The following AHCTF1 variants were observed in gnomAD, a reference collection of about 807,000 sequenced individuals.
The protein encoded by AHCTF1 is AT-hook containing transcription factor 1, also known as protein ELYS.
A neutral mutation model predicts 248.4 loss-of-function variants in AHCTF1; 24 were observed. That is an observed-to-expected ratio of 0.10 (90% CI 0.07 to 0.14). The LOEUF (loss-of-function observed/expected upper bound fraction) is 0.14. AHCTF1 is among the 10% of genes least tolerant of loss of function. The pLI is 1.00. For missense variants in AHCTF1, 2,206 were observed against 2,636.2 expected, an observed-to-expected ratio of 0.84 and a Z score of 3.57; for synonymous variants, 786 against 929.8, an observed-to-expected ratio of 0.85 and a Z score of 2.81.
intron 30 of AHCTF1, 68 bp downstream of exon 30, chr1:246,857,623 T>C: frequency 1.3e-6 from 2 of 1,491,876 alleles, no homozygotes. Flanking sequence ...ACAGAATATT[T>C]TACTTCTGGT....
intron 1 of AHCTF1, among the ~76,000 whole-genome samples, chr1:246,921,852 T>A (rs912939670): frequency 1.3e-5 from 2 of 152,154 alleles, no homozygotes; most frequent in Non-Finnish European, 2.9e-5. Flanking sequence ...CAAGAAGGCT[T>A]CAGGTAGAAT....
At position 246,890,940 on chromosome 1, in the gene AHCTF1, T is replaced by A; in HGVS notation, c.2050+16A>T. On this transcript the variant is annotated intron_variant, in intron 16 of 35. Coordinates refer to ENST00000648844, the MANE Select transcript of AHCTF1 (RefSeq NM_001323342.2). The stretch of plus-strand genomic sequence containing the variant: ...AATGTTTTAATTAATACTTATAGAT[T>A]AAGTAAATATTTTACCTATGCCTTC... 2 of 1,446,340 alleles carry A rather than the reference T, an allele frequency of 1.4e-6. No homozygotes were observed. The highest frequency in any genetic ancestry group is 1.8e-6 in the Non-Finnish European group (2 of 1,084,280). 89.6% of individuals were successfully genotyped at this position (1,446,340 alleles called of 1,614,324 possible).
chr1:246,915,714 A>G (rs1301181126), intron 3 of AHCTF1, among the ~76,000 whole-genome samples: 1 of 152,208 alleles, frequency 6.6e-6, no homozygotes, highest in Non-Finnish European at 1.5e-5. Context: ...ATTTTCCATA[A>G]TGCTCCAATC....
intron 11 of AHCTF1, 140 bp from the exon 12 acceptor site, chr1:246,898,476 A>G (rs1388520358): frequency 1.7e-5 from 16 of 965,780 alleles, no homozygotes; most frequent in Non-Finnish European, 2.3e-5. Context: ...TTCCTGCAAG[A>G]AACAGAGTTT....
At chr1:246,897,338 CAAAT>C (rs1382899386) in intron 12 of AHCTF1, among the ~76,000 whole-genome samples, 2 of 152,012 alleles carry the variant, frequency 1.3e-5, no homozygotes, top group African/African-American at 2.4e-5. Flanking sequence ...TAGTAACAAA[CAAAT>C]AAACGAAAAA....
intron 1 of AHCTF1, chr1:246,931,222 T>A: frequency 6.5e-7 from 1 of 1,549,834 alleles, no homozygotes; most frequent in Non-Finnish European, 8.7e-7. Flanking sequence ...CGCCAACGAG[T>A]CCATCGCGTG....
chr1:246,910,644 C>T (rs1232516450), intron 4 of AHCTF1, among the ~76,000 whole-genome samples: 1 of 152,160 alleles, frequency 6.6e-6, no homozygotes, highest in Non-Finnish European at 1.5e-5. Context: ...AATTTAAAAA[C>T]TCAGACTCAT....
At chr1:246,927,046 C>T (rs564807194) in intron 1 of AHCTF1, among the ~76,000 whole-genome samples, 16 of 150,778 alleles carry the variant, frequency 1.1e-4, no homozygotes, top group African/African-American at 3.7e-4. Flanking sequence ...GGCGTGGTGA[C>T]GGGAACCTGT....
At chr1:246,930,318 G>A (rs1284757854) in intron 1 of AHCTF1, among the ~76,000 whole-genome samples, 1 of 151,624 alleles carries the variant, frequency 6.6e-6, no homozygotes, top group Non-Finnish European at 1.5e-5. Context: ...CGGTTGACAT[G>A]ATGTTTTAAA....
At position 246,898,227 on chromosome 1, in the gene AHCTF1, T is replaced by G. The variant is rs375008404; in HGVS notation, c.1604A>C (p.Gln535Pro). ...GLLSPRFVDV[Q>P]PSSLSQEEQL... ...TCTCACTTGGCTTAAACTGGAAGGC[T>G]GAACATCAACAAATCTTGGGGAAAG... is the stretch of plus-strand genomic sequence containing the variant. Residue 535 changes from glutamine to proline, a missense_variant, in exon 12 of 36, where the codon CAG becomes CCG. Physicochemically the swap from Gln to Pro is moderately conservative, Grantham distance 76 (BLOSUM62 -1). Around this residue, in one of 6 missense-constraint regions of AHCTF1, gnomAD observed 650 missense variants for 870.8 expected, o/e 0.75. Transcript: ENST00000648844. 8.7e-6 allele frequency: 14 copies of G among 1,612,202 alleles called. No individual in the cohort carries two copies. The African/African-American group carries it at 1.9e-4, about 22-fold the overall frequency.
chr1:246,856,534 A>G (rs1228037737), intron 30 of AHCTF1, among the ~76,000 whole-genome samples: 5 of 152,174 alleles, frequency 3.3e-5, no homozygotes, highest in Non-Finnish European at 7.3e-5. Flanking sequence ...ATATGCACCC[A>G]GGTTCTCACT....
At chr1:246,928,962 G>A (rs965198902) in intron 1 of AHCTF1, among the ~76,000 whole-genome samples, 4 of 152,176 alleles carry the variant, frequency 2.6e-5, no homozygotes, top group Non-Finnish European at 5.9e-5. Flanking sequence ...AGGTCAAGAA[G>A]ATAACCTTCT....
rs368629914 is a variant in AHCTF1, at chr1:246,928,052, T to G, written c.-8+3526A>C. ...ATACTGTTCGGCCGGGTGCGGTGGC[T>G]CACGCCTGTAATCCCAAGGCAGGTG... On this transcript the variant is annotated intron_variant, in intron 1 of 35. Transcript: ENST00000648844. 9.2e-5 allele frequency among the ~76,000 whole-genome samples: 14 copies of G among 151,932 alleles called. 1 individual carries two copies. In the East Asian group the frequency reaches 2.5e-3, roughly 27 times the overall value.
intron 5 of AHCTF1, 68 bp downstream of exon 5, chr1:246,907,483 G>T: frequency 1.5e-6 from 2 of 1,352,686 alleles, no homozygotes; most frequent in Non-Finnish European, 1.0e-6. Flanking sequence ...TCAAATATTA[G>T]TAAATGAGTA....
chr1:246,863,771 T>C (rs1360267447), intron 27 of AHCTF1, among the ~76,000 whole-genome samples, 153 bp downstream of exon 27: 4 of 152,192 alleles, frequency 2.6e-5, no homozygotes, highest in Non-Finnish European at 4.4e-5. Context: ...ATTAGCTCCG[T>C]TTTTAGAAGA....
intron 4 of AHCTF1, among the ~76,000 whole-genome samples, chr1:246,908,858 A>G (rs1182940855): frequency 2.0e-5 from 3 of 151,400 alleles, no homozygotes; most frequent in African/African-American, 7.3e-5. Context: ...AGATTGAGCC[A>G]CTGCACCCCA....
At chr1:246,863,847 G>C in intron 27 of AHCTF1, 77 bp downstream of exon 27, 3 of 1,419,440 alleles carry the variant, frequency 2.1e-6, no homozygotes, top group African/African-American at 1.4e-5. Context: ...GTTATAAATT[G>C]CTTATTTTTC....
At chr1:246,902,442 G>A in intron 8 of AHCTF1, 83 bp downstream of exon 8, 5 of 1,498,512 alleles carry the variant, frequency 3.3e-6, no homozygotes, top group Non-Finnish European at 4.5e-6. Flanking sequence ...TGAACTGCCA[G>A]GAGTATGAAA....
intron 29 of AHCTF1, 58 bp from the exon 30 acceptor site, chr1:246,857,872 G>T: frequency 6.8e-7 from 1 of 1,481,266 alleles, no homozygotes; most frequent in Non-Finnish European, 9.2e-7. Context: ...ATTACTGATA[G>T]TCTTGCATTA....
Sources: allele counts gnomAD v4.1 joint callset (sites outside exome capture counted in the v4.1 genomes callset), GRCh38; gene constraint gnomAD v4.1.1; regional missense constraint gnomAD v4.1.1; transcripts MANE v1.5; gene names NCBI Gene and HGNC (gene_info 2026-07-23, HGNC 2026-07-21).